The following ADAM12 variants were observed in gnomAD, a reference collection of about 807,000 sequenced individuals.
The protein encoded by ADAM12 is ADAM metallopeptidase domain 12.
In ADAM12, 70 loss-of-function variants were observed where a neutral mutation model predicts 106.4. The ratio of observed to expected loss-of-function variants is 0.66; its 90% confidence interval spans 0.54 to 0.80. ADAM12 has a LOEUF of 0.80. ADAM12 is among the 30% of genes least tolerant of loss of function. ADAM12 has a pLI of 0.00. For missense variants in ADAM12, 1,010 were observed against 1,171.9 expected, an observed-to-expected ratio of 0.86 and a Z score of 2.02; for synonymous variants, 420 against 433.5, an observed-to-expected ratio of 0.97 and a Z score of 0.39.
At chr10:126,017,477 G>T in intron 22 of ADAM12, 138 bp from the exon 23 acceptor site, 1 of 765,092 alleles carries the variant, frequency 1.3e-6, no homozygotes, top group East Asian at 2.8e-5. Flanking sequence ...CTCATAACGG[G>T]GGTGGGAAAC....
intron 5 of ADAM12, among the ~76,000 whole-genome samples, chr10:126,120,359 G>A (rs1363053297): frequency 6.6e-6 from 1 of 152,190 alleles, no homozygotes; most frequent in Admixed American, 6.6e-5. Flanking sequence ...TTCTTCTTAG[G>A]AGAAAGGGAG....
At chr10:126,258,382 C>T (rs1958934203) in intron 3 of ADAM12, among the ~76,000 whole-genome samples, 1 of 152,116 alleles carries the variant, frequency 6.6e-6, no homozygotes, top group Non-Finnish European at 1.5e-5. Context: ...ATCCCCACTG[C>T]CTCCGTGCCC....
At chr10:126,188,775 C>T (rs1193345616) in intron 3 of ADAM12, among the ~76,000 whole-genome samples, 2 of 152,112 alleles carry the variant, frequency 1.3e-5, no homozygotes, top group East Asian at 3.9e-4. Flanking sequence ...ATTTATCCAT[C>T]CATCTATCCA....
At chr10:126,046,360 T>C (rs1954319202) in intron 16 of ADAM12, among the ~76,000 whole-genome samples, 1 of 152,228 alleles carries the variant, frequency 6.6e-6, no homozygotes, top group Admixed American at 6.5e-5. Context: ...CTAAGTTCAA[T>C]GTCAACACTA....
At chr10:126,268,406 G>A (rs1267653391) in intron 3 of ADAM12, among the ~76,000 whole-genome samples, 1 of 152,078 alleles carries the variant, frequency 6.6e-6, no homozygotes, top group Non-Finnish European at 1.5e-5. Context: ...CCCACCTTTT[G>A]GCCATTGTGA....
At position 126,154,373 on chromosome 10, in the gene ADAM12, A is replaced by T. The variant is rs1674911; in HGVS notation, c.339+854T>A. Among the ~76,000 whole-genome samples the T allele has an allele frequency of 9.7e-4, 147 of 152,124 alleles. 3 individuals carry two copies. The South Asian group carries it at 0.03, about 31-fold the overall frequency. On this transcript the variant is annotated intron_variant, in intron 4 of 22. Coordinates refer to ENST00000448723, the MANE Select transcript of ADAM12 (RefSeq NM_001288973.2). ...AGAGCTACAGCAGCTCATTCCACCA[A>T]GTTCCTGGAAGGCTGCAGGTATCAG...
chr10:126,134,886 C>G (rs1956376201), intron 5 of ADAM12, among the ~76,000 whole-genome samples: 1 of 152,160 alleles, frequency 6.6e-6, no homozygotes, highest in Non-Finnish European at 1.5e-5. Context: ...AGGTTACAAA[C>G]ATTTAGTTCA....
chr10:126,240,095 A>G (rs1262641525), intron 3 of ADAM12, among the ~76,000 whole-genome samples: 1 of 152,090 alleles, frequency 6.6e-6, no homozygotes, highest in Admixed American at 6.5e-5. Flanking sequence ...CCATTGGTGC[A>G]CGCAGTGCTC....
chr10:126,264,520 T>A (rs1005112849), intron 3 of ADAM12, among the ~76,000 whole-genome samples: 43 of 152,136 alleles, frequency 2.8e-4, no homozygotes, highest in African/African-American at 9.4e-4. Flanking sequence ...ATCTACCTCA[T>A]CCCACAGTGA....
At chr10:126,045,882 TA>T (rs1184264945) in intron 17 of ADAM12, among the ~76,000 whole-genome samples, 172 bp downstream of exon 17, 10 of 152,336 alleles carry the variant, frequency 6.6e-5, no homozygotes, top group Non-Finnish European at 1.3e-4. Flanking sequence ...CTTTGTTAAA[TA>T]AAAGTCACAT....
In ADAM12 at chr10:126,094,038, A is replaced by G. The variant is rs1433339032; in HGVS notation, c.1092T>C (p.Cys364=). ...GMNHDTLDRG[C]SCQMAVEKGG... is the part of the protein sequence containing the mutation. Reference sequence around the variant, plus strand: ...CTTTCTCAACCGCCATTTGACAGCTACAGCCCCTGTCCAGTGTGTCATGAT... The same window carrying G: ...CTTTCTCAACCGCCATTTGACAGCTGCAGCCCCTGTCCAGTGTGTCATGAT... Residue 364 remains cysteine (C), a synonymous_variant, in exon 11 of 23, where the codon TGT becomes TGC. Transcript: ENST00000448723. 1.2e-6 allele frequency: 2 copies of G among 1,614,178 alleles called. No individual in the cohort carries two copies. The highest frequency in any genetic ancestry group is 2.2e-5 in the East Asian group (1 of 44,874).
chr10:126,382,609 T>C (rs1337939522), intron 1 of ADAM12, among the ~76,000 whole-genome samples: 3 of 152,160 alleles, frequency 2.0e-5, no homozygotes, highest in Admixed American at 2.0e-4. Context: ...CTCAGCAAAA[T>C]GAATGTTCAT....
At chr10:126,080,806 G>A (rs7923340) in intron 11 of ADAM12, among the ~76,000 whole-genome samples, 56,236 of 152,022 alleles carry the variant, frequency 0.37, 11,129 homozygotes, top group African/African-American at 0.5. Flanking sequence ...CATAAAGGCA[G>A]TCACAGCTTC....
At chr10:126,197,884 C>G (rs1010269391) in intron 3 of ADAM12, among the ~76,000 whole-genome samples, 2 of 152,184 alleles carry the variant, frequency 1.3e-5, no homozygotes, top group African/African-American at 4.8e-5. Context: ...AAGCCCCAGA[C>G]AGCGGGTGGT....
intron 21 of ADAM12, among the ~76,000 whole-genome samples, chr10:126,023,283 C>T (rs917574247): frequency 4.6e-5 from 7 of 152,090 alleles, no homozygotes; most frequent in African/African-American, 1.4e-4. Context: ...AGTTGACAGG[C>T]GGGTCTTCCA....
intron 21 of ADAM12, among the ~76,000 whole-genome samples, chr10:126,032,407 G>T (rs1953987080): frequency 6.6e-6 from 1 of 152,180 alleles, no homozygotes; most frequent in Non-Finnish European, 1.5e-5. Flanking sequence ...CACCAGCCTG[G>T]AGTGAGAAAT....
chr10:126,043,473 C>CT lies in ADAM12; in HGVS notation c.1996-326dup, dbSNP rs1954232583. 6.6e-6 allele frequency among the ~76,000 whole-genome samples: 1 copy of CT among 152,186 alleles called. No homozygotes were observed. The highest frequency in any genetic ancestry group is 1.5e-5 in the Non-Finnish European group (1 of 68,028). ...TTCCTTTTTCAATCTGGAAAACTGT[C>CT]TGACCATGAGGAGAAGCCCCCTCAG... On this transcript the variant is annotated intron_variant, in intron 17 of 22. Transcript: ENST00000448723. This position sits in a 1 kb window ranked among gnomAD's most constrained non-coding sequence, Gnocchi z 4.1.
intron 3 of ADAM12, among the ~76,000 whole-genome samples, chr10:126,265,332 T>C (rs1007948220): frequency 2.0e-5 from 3 of 152,142 alleles, no homozygotes; most frequent in Non-Finnish European, 4.4e-5. Flanking sequence ...GCATTTCAGC[T>C]AATAAAAGAA....
At chr10:126,081,419 C>T (rs535920718) in intron 11 of ADAM12, among the ~76,000 whole-genome samples, 1 of 152,320 alleles carries the variant, frequency 6.6e-6, no homozygotes, top group Non-Finnish European at 1.5e-5. Context: ...CTCATATCGT[C>T]CACAGCTGAC....
Sources: allele counts gnomAD v4.1 joint callset (sites outside exome capture counted in the v4.1 genomes callset), GRCh38; gene constraint gnomAD v4.1.1; non-coding constraint Gnocchi (gnomAD v3.1); transcripts MANE v1.5; gene names NCBI Gene and HGNC (gene_info 2026-07-23, HGNC 2026-07-21).